The following PLPPR5 variants were observed in gnomAD, a reference collection of about 807,000 sequenced individuals.
PLPPR5 encodes the protein phospholipid phosphatase related 5, also known as phospholipid phosphatase-related protein type 5.
PLPPR5 carries 16 observed loss-of-function variants against 33.9 expected under a neutral mutation model. The ratio of observed to expected loss-of-function variants is 0.47; its 90% CI spans 0.32 to 0.72. The LOEUF (loss-of-function observed/expected upper bound fraction) is 0.72, where lower values mean the gene tolerates loss of function less well. PLPPR5 is among the 30% of genes least tolerant of loss of function. PLPPR5 has a pLI of 0.03. For missense variants in PLPPR5, 301 were observed against 406.7 expected (o/e 0.74, Z 2.23); for synonymous variants, 163 against 150.3 (o/e 1.08, Z -0.62).
intron 5 of PLPPR5, among the ~76,000 whole-genome samples, chr1:98,894,381 T>C (rs1218929078): frequency 1.3e-5 from 2 of 152,092 alleles, no homozygotes; most frequent in Non-Finnish European, 2.9e-5. Context: ...TGCACTATGA[T>C]TGAATTAAAA....
At chr1:98,928,547 T>TAATA (rs1649845626) in intron 3 of PLPPR5, among the ~76,000 whole-genome samples, 1 of 47,486 alleles carries the variant, frequency 2.1e-5, no homozygotes. Flanking sequence ...AAGTTTTAAA[T>TAATA]CATATATATA....
At chr1:98,987,874 T>C (rs963046441) in intron 1 of PLPPR5, among the ~76,000 whole-genome samples, 5 of 152,088 alleles carry the variant, frequency 3.3e-5, no homozygotes, top group African/African-American at 1.2e-4. Flanking sequence ...GTTTTTTCTC[T>C]TAAGCTACCG....
intron 3 of PLPPR5, among the ~76,000 whole-genome samples, chr1:98,933,785 T>C (rs1331107973): frequency 6.6e-6 from 1 of 152,072 alleles, no homozygotes; most frequent in African/African-American, 2.4e-5. Flanking sequence ...AGGGATGGGG[T>C]TGTCTCTGAT....
intron 3 of PLPPR5, among the ~76,000 whole-genome samples, chr1:98,949,218 A>G (rs1046762886): frequency 6.7e-6 from 1 of 150,130 alleles, no homozygotes; most frequent in African/African-American, 2.4e-5. Context: ...AACTCTCACA[A>G]TTTTTTTTTT....
intron 1 of PLPPR5, among the ~76,000 whole-genome samples, chr1:98,959,658 C>T (rs1651154168): frequency 6.6e-6 from 1 of 152,116 alleles, no homozygotes; most frequent in South Asian, 2.1e-4. Flanking sequence ...CATGATTTCC[C>T]CAGTTGTCTT....
intron 1 of PLPPR5, among the ~76,000 whole-genome samples, chr1:98,964,407 G>C (rs1027912780): frequency 6.6e-6 from 1 of 152,068 alleles, no homozygotes; most frequent in Non-Finnish European, 1.5e-5. Flanking sequence ...AAGGATCAAC[G>C]GGCCTCCCAT....
intron 4 of PLPPR5, among the ~76,000 whole-genome samples, chr1:98,919,334 A>G (rs1181979965): frequency 6.6e-6 from 1 of 152,214 alleles, no homozygotes; most frequent in Non-Finnish European, 1.5e-5. Context: ...TTAGGCATTG[A>G]GTCTGGGTGA....
intron 1 of PLPPR5, among the ~76,000 whole-genome samples, chr1:98,997,442 G>A (rs1039027791): frequency 5.3e-5 from 8 of 151,960 alleles, no homozygotes; most frequent in African/African-American, 9.7e-5. Flanking sequence ...TATGATACAC[G>A]ACATACTTAA....
chr1:98,915,058 CCA>C, intron 4 of PLPPR5, 138 bp from the exon 5 acceptor site: 1 of 703,636 alleles, frequency 1.4e-6, no homozygotes, highest in Non-Finnish European at 2.2e-6. Flanking sequence ...GAATTTATAT[CCA>C]GATTTATTGT....
chr1:98,913,270 A>C (rs1331196573), intron 5 of PLPPR5, among the ~76,000 whole-genome samples: 1 of 152,088 alleles, frequency 6.6e-6, no homozygotes, highest in Non-Finnish European at 1.5e-5. Flanking sequence ...ACATTAATTC[A>C]CTCATTTAAC....
intron 1 of PLPPR5, among the ~76,000 whole-genome samples, chr1:98,990,013 T>C (rs1280932733): frequency 1.3e-5 from 2 of 152,174 alleles, no homozygotes; most frequent in Non-Finnish European, 2.9e-5. Context: ...AAGATGATCT[T>C]AAGTCATCTG....
intron 3 of PLPPR5, among the ~76,000 whole-genome samples, chr1:98,931,161 T>C (rs191207882): frequency 1.4e-3 from 210 of 152,310 alleles, no homozygotes; most frequent in Non-Finnish European, 2.2e-3. Context: ...ATAATTATTA[T>C]AAAAAGAGTT....
chr1:98,956,251 C>CT (rs1315023656), intron 2 of PLPPR5, among the ~76,000 whole-genome samples: 3 of 152,046 alleles, frequency 2.0e-5, no homozygotes, highest in Non-Finnish European at 2.9e-5. Flanking sequence ...AGGTGGTGTT[C>CT]TTTTTTCCTT....
intron 4 of PLPPR5, among the ~76,000 whole-genome samples, chr1:98,918,245 G>A (rs1002990454): frequency 4.6e-5 from 7 of 152,032 alleles, no homozygotes; most frequent in Admixed American, 6.5e-5. Flanking sequence ...TTGTAAACAT[G>A]GGCAAGTTAC....
chr1:98,958,332 T>A (rs865798246), intron 1 of PLPPR5, among the ~76,000 whole-genome samples: 1 of 152,152 alleles, frequency 6.6e-6, no homozygotes, highest in African/African-American at 2.4e-5. Context: ...TTTACCCCAG[T>A]GTGAATAAAA....
chr1:98,987,473 T>C (rs1008182145), intron 1 of PLPPR5, among the ~76,000 whole-genome samples: 4 of 151,922 alleles, frequency 2.6e-5, no homozygotes, highest in Non-Finnish European at 5.9e-5. Flanking sequence ...TATTTCCCTA[T>C]GAGTTGTGCC....
intron 5 of PLPPR5, among the ~76,000 whole-genome samples, chr1:98,902,486 T>C (rs1004182963): frequency 1.7e-4 from 26 of 152,152 alleles, no homozygotes; most frequent in African/African-American, 6.3e-4. Flanking sequence ...TCTTCTTTAA[T>C]CAAAACTATG....
At chr1:98,967,685 G>A (rs1461510609) in intron 1 of PLPPR5, among the ~76,000 whole-genome samples, 1 of 151,942 alleles carries the variant, frequency 6.6e-6, no homozygotes, top group African/African-American at 2.4e-5. Context: ...TAGAAATAAT[G>A]CCATCATGGG....
chr1:98,905,090 T>C (rs1186242806), intron 5 of PLPPR5, among the ~76,000 whole-genome samples: 8 of 152,196 alleles, frequency 5.3e-5, no homozygotes, highest in Admixed American at 5.2e-4. Flanking sequence ...TCTTCCATGC[T>C]GCTCTCTTAT....
Sources: allele counts gnomAD v4.1 joint callset (sites outside exome capture counted in the v4.1 genomes callset), GRCh38; gene constraint gnomAD v4.1.1; transcripts MANE v1.5; gene names NCBI Gene and HGNC (gene_info 2026-07-23, HGNC 2026-07-21).